YES1: variants seen among roughly 807,000 people sequenced by gnomAD.
The protein encoded by YES1 is YES proto-oncogene 1, Src family tyrosine kinase.
A neutral mutation model predicts 70.4 loss-of-function variants in YES1; 39 were observed. The observed-to-expected ratio is 0.55, with a 90% CI of 0.43 to 0.72. The LOEUF (loss-of-function observed/expected upper bound fraction) is 0.72, where lower values mean the gene tolerates loss of function less well. Among genes scored for constraint, YES1 ranks in the 30% least tolerant of loss-of-function variants. YES1 has a pLI of 0.00. For missense variants in YES1, 495 were observed against 644.8 expected (o/e 0.77, Z 2.52); for synonymous variants, 198 against 218.6 (o/e 0.91, Z 0.83).
chr18:735,031 C>A (rs2080136266), intron 10 of YES1, among the ~76,000 whole-genome samples: 1 of 152,008 alleles, frequency 6.6e-6, no homozygotes, highest in Non-Finnish European at 1.5e-5. Flanking sequence ...GTGGCAGGTG[C>A]CTGTAATCCC....
At chr18:800,595 T>C (rs1906768989) in intron 1 of YES1, among the ~76,000 whole-genome samples, 1 of 152,088 alleles carries the variant, frequency 6.6e-6, no homozygotes, top group African/African-American at 2.4e-5. Context: ...TAGATACAAT[T>C]GGAGAAATAA....
chr18:733,939 C>T (rs771727327), intron 10 of YES1, among the ~76,000 whole-genome samples: 2 of 151,940 alleles, frequency 1.3e-5, no homozygotes, highest in Non-Finnish European at 2.9e-5. Context: ...TTTAGACAAA[C>T]AGATGATCAA....
chr18:762,475 C>T (rs1043187529), intron 1 of YES1, among the ~76,000 whole-genome samples: 3 of 151,930 alleles, frequency 2.0e-5, no homozygotes, highest in Non-Finnish European at 2.9e-5. Context: ...CACGTGCACC[C>T]CTTGAATCTA....
chr18:763,762 G>A (rs746412325), intron 1 of YES1, among the ~76,000 whole-genome samples: 1 of 151,432 alleles, frequency 6.6e-6, no homozygotes, highest in Non-Finnish European at 1.5e-5. Flanking sequence ...TGATAATGGG[G>A]GAAATGAGAA....
At chr18:789,253 C>T (rs1906116872) in intron 1 of YES1, among the ~76,000 whole-genome samples, 1 of 152,104 alleles carries the variant, frequency 6.6e-6, no homozygotes. Context: ...ACCCAATACA[C>T]TTATGTCAAA....
intron 1 of YES1, among the ~76,000 whole-genome samples, chr18:787,614 G>A (rs1906030878): frequency 6.6e-6 from 1 of 151,928 alleles, no homozygotes; most frequent in Non-Finnish European, 1.5e-5. Flanking sequence ...GGAGGCTAAG[G>A]CAGAAGAATC....
intron 11 of YES1, among the ~76,000 whole-genome samples, chr18:731,859 C>T (rs1392775412): frequency 6.8e-6 from 1 of 146,322 alleles, no homozygotes; most frequent in African/African-American, 2.5e-5. Context: ...CCTAGCTACT[C>T]GGGAGGCTGA....
chr18:809,593 G>GC (rs561696917), intron 1 of YES1, among the ~76,000 whole-genome samples: 72 of 152,246 alleles, frequency 4.7e-4, no homozygotes, highest in Admixed American at 1.8e-3. Context: ...GAGCCACCGT[G>GC]CCCAGCCTGA....
intron 1 of YES1, among the ~76,000 whole-genome samples, chr18:798,864 GCTA>G (rs1007914200): frequency 6.6e-6 from 1 of 152,038 alleles, no homozygotes; most frequent in Non-Finnish European, 1.5e-5. Flanking sequence ...TGTCTTTCCT[GCTA>G]CTTTTAATAT....
chr18:746,094 C>T, intron 4 of YES1, 43 bp from the exon 5 acceptor site: 1 of 1,459,214 alleles, frequency 6.9e-7, no homozygotes, highest in Non-Finnish European at 9.5e-7. Context: ...GTATGAGGTT[C>T]AGAAAAATTA....
intron 1 of YES1, among the ~76,000 whole-genome samples, chr18:780,997 G>A (rs955891927): frequency 3.3e-5 from 5 of 152,124 alleles, no homozygotes; most frequent in Non-Finnish European, 5.9e-5. Context: ...GGCCAGGGGC[G>A]GTGGCTCACG....
intron 1 of YES1, among the ~76,000 whole-genome samples, chr18:794,504 C>G (rs1211356580): frequency 6.6e-6 from 1 of 152,108 alleles, no homozygotes; most frequent in Non-Finnish European, 1.5e-5. Context: ...AATATATGAA[C>G]TACTGTATTA....
intron 1 of YES1, among the ~76,000 whole-genome samples, chr18:762,960 C>T (rs938836482): frequency 6.6e-6 from 1 of 152,138 alleles, no homozygotes; most frequent in Non-Finnish European, 1.5e-5. Context: ...ATGTTATCAG[C>T]TCTGCTTAAA....
rs529903142 is a variant in YES1, at chr18:790,168, A to G, written c.-9+21946T>C. Among the ~76,000 whole-genome samples, 20 of 152,306 alleles carry G rather than the reference A, an allele frequency of 1.3e-4. 1 individual carries two copies. Among genetic ancestry groups the G allele is most frequent in the South Asian group, 1.0e-3 (5 of 4,828 alleles). ...AGGTGGGCGGATCACCTGAGGTCAG[A>G]AGTTTGAGATGAGCCTGGCCAACAT... On this transcript the variant is annotated intron_variant, in intron 1 of 11. Transcript: ENST00000314574.
At chr18:748,061 C>A (rs759257414) in intron 3 of YES1, 43 bp from the exon 4 acceptor site, 1 of 1,548,712 alleles carries the variant, frequency 6.5e-7, no homozygotes, top group Non-Finnish European at 8.9e-7. Context: ...TAGACTATTG[C>A]CCAAGGTACA....
rs2079992859 is a variant in YES1 at position 724,372 on chromosome 18, A to G, written c.*52T>C. The G allele has an allele frequency of 6.7e-7, 1 of 1,496,052 alleles. No individual in the cohort carries two copies. Among genetic ancestry groups the G allele is most frequent in the Middle Eastern group, 2.4e-4 (1 of 4,206 alleles). 92.7% of individuals were successfully genotyped at this position (1,496,052 alleles called of 1,614,324 possible). A position where few individuals can be genotyped will look rare whatever the true frequency, so the allele number is the denominator to read the frequency against. ...CTTTTGATTCCTGTAGAAAATCTAC[A>G]CAAGTTCTTTATATTTTGGCAGATT... On this transcript the variant is annotated 3_prime_UTR_variant, in exon 12 of 12. Transcript: ENST00000314574.
intron 9 of YES1, chr18:738,124 G>A (rs1057409007): frequency 4.0e-5 from 6 of 151,602 alleles, no homozygotes; most frequent in African/African-American, 7.3e-5. Flanking sequence ...ATGAACTGGC[G>A]TGGCATATGC....
At chr18:741,515 A>G (rs1171234634) in intron 8 of YES1, among the ~76,000 whole-genome samples, 2 of 152,088 alleles carry the variant, frequency 1.3e-5, no homozygotes, top group African/African-American at 4.8e-5. Context: ...TTGAAAGGGC[A>G]TATTTGGGCT....
intron 1 of YES1, among the ~76,000 whole-genome samples, chr18:803,673 G>C (rs1906938954): frequency 6.6e-6 from 1 of 152,162 alleles, no homozygotes. Flanking sequence ...TCCTAACAGG[G>C]AACTCAAAAC....
Sources: allele counts gnomAD v4.1 joint callset (sites outside exome capture counted in the v4.1 genomes callset), GRCh38; gene constraint gnomAD v4.1.1; transcripts MANE v1.5; gene names NCBI Gene and HGNC (gene_info 2026-07-23, HGNC 2026-07-21).